Variants in NKAIN3 observed in about 807,000 individuals in gnomAD.
The protein encoded by NKAIN3 is sodium/potassium-transporting ATPase subunit beta-1-interacting protein 3.
A neutral mutation model predicts 30.2 loss-of-function variants in NKAIN3; 25 were observed. The observed-to-expected ratio is 0.83, with a 90% CI of 0.60 to 1.16. NKAIN3 has a LOEUF of 1.16. NKAIN3 is among the 50% of genes most tolerant of loss of function. NKAIN3 has a pLI of 0.00. For missense variants in NKAIN3, 225 were observed against 254.1 expected (o/e 0.89, Z 0.78); for synonymous variants, 91 against 89.6 (o/e 1.02, Z -0.09).
intron 1 of NKAIN3, among the ~76,000 whole-genome samples, chr8:62,262,015 T>G (rs1248111684): frequency 3.9e-5 from 6 of 152,110 alleles, no homozygotes; most frequent in African/African-American, 1.4e-4. Flanking sequence ...AGATCTTAGA[T>G]TTTGGTATTG....
intron 1 of NKAIN3, among the ~76,000 whole-genome samples, chr8:62,396,920 G>A (rs1310262795): frequency 6.6e-6 from 1 of 152,178 alleles, no homozygotes; most frequent in Non-Finnish European, 1.5e-5. Context: ...TATCATCAGA[G>A]GGAAAAAGGA....
intron 4 of NKAIN3, among the ~76,000 whole-genome samples, chr8:62,788,869 G>C (rs1429601579): frequency 6.6e-6 from 1 of 151,990 alleles, no homozygotes; most frequent in Non-Finnish European, 1.5e-5. Flanking sequence ...ATTTCTGAGG[G>C]CTCTGTTCTG....
At chr8:62,907,547 G>A (rs1404272958) in intron 4 of NKAIN3, among the ~76,000 whole-genome samples, 1 of 152,120 alleles carries the variant, frequency 6.6e-6, no homozygotes, top group East Asian at 1.9e-4. Flanking sequence ...AGGCCTAGGA[G>A]GAAAAAATGG....
chr8:62,702,938 G>A (rs1294732534), intron 3 of NKAIN3, among the ~76,000 whole-genome samples: 1 of 152,040 alleles, frequency 6.6e-6, no homozygotes, highest in Non-Finnish European at 1.5e-5. Flanking sequence ...ATAATAGAAG[G>A]ATTAAAAATA....
chr8:62,383,642 A>G (rs1002108209), intron 1 of NKAIN3: 3 of 410,422 alleles, frequency 7.3e-6, no homozygotes, highest in East Asian at 7.2e-5. Context: ...TTATCAAACC[A>G]TTCTTTTCTG....
chr8:62,993,056 T>TG (rs60973245), intron 5 of NKAIN3, among the ~76,000 whole-genome samples: 28,121 of 152,028 alleles, frequency 0.18, 2,693 homozygotes, highest in East Asian at 0.38. Flanking sequence ...TGTTTTGTTT[T>TG]TTTGCCTCTA....
At chr8:62,507,842 G>A (rs948000957) in intron 1 of NKAIN3, among the ~76,000 whole-genome samples, 4 of 152,214 alleles carry the variant, frequency 2.6e-5, no homozygotes, top group Non-Finnish European at 5.9e-5. Context: ...GTAAGGGATG[G>A]CAGAAAGGAC....
At chr8:62,584,853 C>A (rs1015437171) in intron 2 of NKAIN3, among the ~76,000 whole-genome samples, 1 of 152,296 alleles carries the variant, frequency 6.6e-6, no homozygotes, top group South Asian at 2.1e-4. Flanking sequence ...ATCATTGCTT[C>A]GCTACCTGTC....
chr8:62,328,886 A>G (rs1815240192), intron 1 of NKAIN3, among the ~76,000 whole-genome samples: 1 of 152,114 alleles, frequency 6.6e-6, no homozygotes. Flanking sequence ...CCCTTGGGCT[A>G]CGTTGCACCA....
chr8:62,285,507 C>T (rs762236656), intron 1 of NKAIN3, among the ~76,000 whole-genome samples: 8 of 152,068 alleles, frequency 5.3e-5, no homozygotes, highest in African/African-American at 9.7e-5. Flanking sequence ...TTTAGAGAGT[C>T]GCTGAACCCT....
intron 4 of NKAIN3, among the ~76,000 whole-genome samples, chr8:62,835,826 C>T (rs1232352352): frequency 6.6e-6 from 1 of 152,044 alleles, no homozygotes; most frequent in Non-Finnish European, 1.5e-5. Flanking sequence ...CCAGCAATCC[C>T]ATTACTGGGT....
chr8:62,371,168 T>C (rs568616150), intron 1 of NKAIN3, among the ~76,000 whole-genome samples: 7 of 152,022 alleles, frequency 4.6e-5, no homozygotes, highest in Middle Eastern at 3.4e-3. Context: ...AAAGCCAAGT[T>C]CAGACAACAT....
intron 4 of NKAIN3, among the ~76,000 whole-genome samples, chr8:62,803,403 T>C (rs1818146230): frequency 6.6e-6 from 1 of 152,128 alleles, no homozygotes; most frequent in African/African-American, 2.4e-5. Context: ...ACAGATATTA[T>C]AACAAACTGT....
chr8:62,557,204 CCA>C (rs1306562589), intron 1 of NKAIN3, among the ~76,000 whole-genome samples: 1 of 152,066 alleles, frequency 6.6e-6, no homozygotes, highest in Non-Finnish European at 1.5e-5. Flanking sequence ...GCAATAGTCT[CCA>C]GTCTCATCCA....
chr8:62,648,354 C>T (rs16929355), intron 3 of NKAIN3, among the ~76,000 whole-genome samples: 5,859 of 151,978 alleles, frequency 0.039, 174 homozygotes, highest in African/African-American at 0.083. Context: ...GAGAAATGAC[C>T]GAGGGAGAAC....
chr8:62,316,780 T>C (rs1283923515), intron 1 of NKAIN3, among the ~76,000 whole-genome samples: 3 of 152,210 alleles, frequency 2.0e-5, no homozygotes, highest in Non-Finnish European at 4.4e-5. Context: ...TTATAATCCT[T>C]TGGGTATATA....
At chr8:62,774,454 T>C (rs1221171235) in intron 4 of NKAIN3, among the ~76,000 whole-genome samples, 1 of 152,152 alleles carries the variant, frequency 6.6e-6, no homozygotes, top group African/African-American at 2.4e-5. Flanking sequence ...TGAATTACAG[T>C]GGTGAAAGTG....
intron 1 of NKAIN3, among the ~76,000 whole-genome samples, chr8:62,296,111 G>A (rs1813819699): frequency 6.6e-6 from 1 of 152,132 alleles, no homozygotes; most frequent in African/African-American, 2.4e-5. Context: ...ATTCCACGTG[G>A]ACCTAAAACT....
chr8:62,440,962 C>A (rs1349319472), intron 1 of NKAIN3, among the ~76,000 whole-genome samples: 1 of 152,120 alleles, frequency 6.6e-6, no homozygotes, highest in Admixed American at 6.5e-5. Flanking sequence ...CAATGCGGAA[C>A]CTGTCTTGTG....
Sources: gnomAD v4.1 joint callset for allele counts (sites outside exome capture counted in the v4.1 genomes callset) on GRCh38, gnomAD v4.1.1 for gene constraint, MANE v1.5 for transcripts, NCBI Gene and HGNC (gene_info 2026-07-23, HGNC 2026-07-21) for gene names.